Variants in TRAPPC9 observed in about 807,000 individuals in gnomAD.
TRAPPC9 encodes IKK2 binding protein.
Under a neutral mutation model 124.0 loss-of-function variants are expected in TRAPPC9, and 83 were observed. That is an observed-to-expected ratio of 0.67 (90% CI 0.56 to 0.80). The LOEUF (loss-of-function observed/expected upper bound fraction) is 0.80. Among genes scored for constraint, TRAPPC9 ranks in the 30% least tolerant of loss-of-function variants. The pLI is 0.00. For synonymous variants in TRAPPC9, 638 were observed against 617.5 expected, an observed-to-expected ratio of 1.03 and a Z score of -0.49; for missense variants, 1,302 against 1,508.3, an observed-to-expected ratio of 0.86 and a Z score of 2.27.
chr8:140,369,842 C>A (rs2068227086), intron 8 of TRAPPC9, among the ~76,000 whole-genome samples: 1 of 152,122 alleles, frequency 6.6e-6, no homozygotes, highest in Non-Finnish European at 1.5e-5. Context: ...ATCCCAGCTT[C>A]TCAGGAGGCT....
chr8:139,786,166 C>A (rs1328341418), intron 21 of TRAPPC9, among the ~76,000 whole-genome samples: 3 of 152,154 alleles, frequency 2.0e-5, no homozygotes, highest in Non-Finnish European at 2.9e-5. Flanking sequence ...CAAGATCGCG[C>A]CACCGCACTC....
intron 5 of TRAPPC9, among the ~76,000 whole-genome samples, chr8:140,424,194 A>G (rs2070341760): frequency 6.6e-6 from 1 of 152,158 alleles, no homozygotes; most frequent in Non-Finnish European, 1.5e-5. Context: ...TGTCTCTCAC[A>G]TAATAAGTGC....
intron 21 of TRAPPC9, among the ~76,000 whole-genome samples, chr8:139,773,078 C>T (rs1821096772): frequency 6.6e-6 from 1 of 152,246 alleles, no homozygotes; most frequent in South Asian, 2.1e-4. Flanking sequence ...CCCTGGGCCA[C>T]CTCGCAGTGG....
chr8:139,982,534 T>G (rs529100562), intron 19 of TRAPPC9, among the ~76,000 whole-genome samples: 29 of 152,352 alleles, frequency 1.9e-4, no homozygotes, highest in African/African-American at 1.7e-4. Context: ...CCGAATGTCA[T>G]GACCAATGGC....
intron 21 of TRAPPC9, among the ~76,000 whole-genome samples, chr8:139,868,017 A>G (rs1471022392): frequency 6.6e-6 from 1 of 152,244 alleles, no homozygotes; most frequent in Non-Finnish European, 1.5e-5. Flanking sequence ...TAGGAAATAC[A>G]CATTAATAAT....
chr8:140,055,430 A>C (rs1842241603), intron 17 of TRAPPC9, among the ~76,000 whole-genome samples: 1 of 152,236 alleles, frequency 6.6e-6, no homozygotes, highest in South Asian at 2.1e-4. Context: ...TGGTAAAAAA[A>C]ACTGAAGGCT....
At chr8:139,964,828 A>G (rs766994303) in intron 19 of TRAPPC9, among the ~76,000 whole-genome samples, 1 of 152,160 alleles carries the variant, frequency 6.6e-6, no homozygotes, top group Non-Finnish European at 1.5e-5. Flanking sequence ...TACTATTCCC[A>G]CCAAGGACCT....
intron 21 of TRAPPC9, among the ~76,000 whole-genome samples, chr8:139,791,642 G>A (rs1207103117): frequency 6.6e-6 from 1 of 152,164 alleles, no homozygotes; most frequent in Admixed American, 6.5e-5. Flanking sequence ...CGTAAGCCCA[G>A]GCGCTGGGCT....
intron 21 of TRAPPC9, among the ~76,000 whole-genome samples, chr8:139,882,438 G>A (rs563931171): frequency 7.2e-5 from 11 of 152,280 alleles, no homozygotes; most frequent in East Asian, 3.9e-4. Context: ...AGGCCTTTGC[G>A]TTCAGACAAG....
chr8:139,958,902 A>AGGGGAGCACTGCATTCCGAGTCACACG (rs1587343800), intron 19 of TRAPPC9, among the ~76,000 whole-genome samples: 1 of 143,618 alleles, frequency 7.0e-6, no homozygotes, highest in Non-Finnish European at 1.5e-5. Context: ...CGAGTCACAC[A>AGGGGAGCACTGCATTCCGAGTCACACG]GGGGAGCACT....
chr8:140,390,628 C>T (rs778370316), intron 7 of TRAPPC9, among the ~76,000 whole-genome samples: 13 of 152,180 alleles, frequency 8.5e-5, no homozygotes, highest in Non-Finnish European at 1.6e-4. Flanking sequence ...ATCCACAGCC[C>T]AGCGGGGCAT....
intron 21 of TRAPPC9, among the ~76,000 whole-genome samples, chr8:139,766,976 C>T (rs962759892): frequency 6.6e-6 from 1 of 152,230 alleles, no homozygotes; most frequent in South Asian, 2.1e-4. Context: ...TGACTGTGAG[C>T]CCCTGGAGTG....
At chr8:140,012,271 C>T (rs1390279745) in intron 18 of TRAPPC9, among the ~76,000 whole-genome samples, 1 of 152,180 alleles carries the variant, frequency 6.6e-6, no homozygotes, top group Non-Finnish European at 1.5e-5. Context: ...AGTAGAGTTC[C>T]ATCCCCTCTA....
Position 140,087,489 on chromosome 8 carries a change from G to A in TRAPPC9, c.2557-63410C>T, listed in dbSNP as rs558439043. Among the ~76,000 whole-genome samples the A allele has an allele frequency of 2.0e-5, 3 of 152,190 alleles. No individual in the cohort carries two copies. The highest frequency in any genetic ancestry group is 7.2e-5 in the African/African-American group (3 of 41,444). On this transcript the variant is annotated intron_variant, in intron 17 of 22. Transcript: ENST00000438773. The surrounding 1 kb of genome is among the most constrained non-coding windows in gnomAD (Gnocchi z 4.6). ...AACGGTGCTCACACATGACTCGCCT[G>A]AAGAATATGGTTGTGTTTTCCCCAC... is the stretch of plus-strand genomic sequence containing the variant.
At chr8:140,280,424 G>C (rs1209953230) in intron 14 of TRAPPC9, among the ~76,000 whole-genome samples, 1 of 151,800 alleles carries the variant, frequency 6.6e-6, no homozygotes, top group Non-Finnish European at 1.5e-5. Context: ...TTTTTGTTTT[G>C]TTTTGTTTTG....
At chr8:140,022,086 C>T (rs1839864262) in intron 18 of TRAPPC9, among the ~76,000 whole-genome samples, 1 of 152,190 alleles carries the variant, frequency 6.6e-6, no homozygotes, top group Admixed American at 6.5e-5. Flanking sequence ...TGGACTTTAT[C>T]TCATCAGCAC....
chr8:139,921,235 C>A (rs1832485401), intron 19 of TRAPPC9, among the ~76,000 whole-genome samples: 1 of 152,268 alleles, frequency 6.6e-6, no homozygotes, highest in African/African-American at 2.4e-5. Flanking sequence ...GCAGTCATCA[C>A]ATCACGGCAG....
rs72383095 is a variant in TRAPPC9 at position 140,193,622 on chromosome 8, G to GAAAAAAA, written c.2556+27830_2556+27836dup. On this transcript the variant is annotated intron_variant, in intron 17 of 22. Transcript: ENST00000438773. Reference sequence around the variant, plus strand: ...GGCAGAAGGGATCTTTGTACTTTCAGAAAAAAAAAAAAAAAAAAAAAAAAG... The same window carrying GAAAAAAA: ...GGCAGAAGGGATCTTTGTACTTTCAGAAAAAAAAAAAAAAAAAAAAAAAAAAAAAAAG... Among the ~76,000 whole-genome samples the GAAAAAAA allele has an allele frequency of 4.9e-4, 38 of 77,314 alleles. 1 individual carries two copies. Among genetic ancestry groups the GAAAAAAA allele is most frequent in the African/African-American group, 1.9e-3 (37 of 19,598 alleles). 50.7% of individuals were successfully genotyped at this position (77,314 alleles called of 152,430 possible).
At chr8:140,399,559 C>T (rs2069197933) in intron 6 of TRAPPC9, among the ~76,000 whole-genome samples, 1 of 152,230 alleles carries the variant, frequency 6.6e-6, no homozygotes, top group Admixed American at 6.5e-5. Flanking sequence ...TTCGGACTTA[C>T]ATGGGCCCTG....
Sources: allele counts gnomAD v4.1 joint callset (sites outside exome capture counted in the v4.1 genomes callset), GRCh38; gene constraint gnomAD v4.1.1; non-coding constraint Gnocchi (gnomAD v3.1); transcripts MANE v1.5; gene names NCBI Gene and HGNC (gene_info 2026-07-23, HGNC 2026-07-21).